The following KCNH5 variants were observed in gnomAD, a reference collection of about 807,000 sequenced individuals.
The protein encoded by KCNH5 is potassium voltage-gated channel subfamily H member 5, also known as voltage-gated delayed rectifier potassium channel KCNH5.
In KCNH5, 46 loss-of-function variants were observed where a neutral mutation model predicts 96.1. That is an observed-to-expected ratio of 0.48 (90% CI 0.38 to 0.61). KCNH5 has a LOEUF of 0.61. KCNH5 is among the 20% of genes least tolerant of loss of function. The pLI is 0.00. For missense variants in KCNH5, 907 were observed against 1,225.8 expected, an observed-to-expected ratio of 0.74 and a Z score of 3.88; for synonymous variants, 439 against 449.8, an observed-to-expected ratio of 0.98 and a Z score of 0.30.
intron 8 of KCNH5, among the ~76,000 whole-genome samples, chr14:62,823,911 T>C (rs996236973): frequency 1.3e-5 from 2 of 152,008 alleles, no homozygotes; most frequent in African/African-American, 4.8e-5. Flanking sequence ...TTAAAAACAA[T>C]AGAAGCTGGC....
chr14:62,985,818 T>C (rs1341584206), intron 5 of KCNH5, among the ~76,000 whole-genome samples: 1 of 152,150 alleles, frequency 6.6e-6, no homozygotes, highest in African/African-American at 2.4e-5. Context: ...TGTTCAGGCA[T>C]CTCCACTAGG....
rs946121830 is a variant in KCNH5 at position 62,705,467 on chromosome 14, C to G, written c.*2041G>C. 6.6e-6 allele frequency: 1 copy of G among 151,970 alleles called. No individual in the cohort carries two copies. Among genetic ancestry groups the G allele is most frequent in the Non-Finnish European group, 1.5e-5 (1 of 67,886 alleles). The allele number at this position is 151,970 out of a possible 1,614,324, so 9.4% of individuals were successfully genotyped here. ...CCTCACCATGAAAGCAACAAAATTC[C>G]AATTTCAAGGCTGATTCTTTACTCC... On this transcript the variant is annotated 3_prime_UTR_variant, in exon 11 of 11. Transcript: ENST00000322893.
intron 8 of KCNH5, among the ~76,000 whole-genome samples, chr14:62,843,069 G>C (rs1468776648): frequency 6.6e-6 from 1 of 152,052 alleles, no homozygotes; most frequent in Non-Finnish European, 1.5e-5. Context: ...TTTTAAAAAT[G>C]CCAAATACTT....
chr14:63,037,933 T>C (rs1042637718), intron 1 of KCNH5, among the ~76,000 whole-genome samples: 1 of 152,202 alleles, frequency 6.6e-6, no homozygotes, highest in Non-Finnish European at 1.5e-5. Flanking sequence ...CAGTTCTTTC[T>C]GGTATTAAAT....
chr14:62,995,446 T>G (rs1890889458), intron 4 of KCNH5, among the ~76,000 whole-genome samples: 1 of 152,148 alleles, frequency 6.6e-6, no homozygotes, highest in South Asian at 2.1e-4. Flanking sequence ...CCCAGATCTT[T>G]GAAGTCCCTG....
intron 4 of KCNH5, among the ~76,000 whole-genome samples, chr14:62,998,810 A>G (rs1345760613): frequency 6.6e-6 from 1 of 152,156 alleles, no homozygotes; most frequent in Non-Finnish European, 1.5e-5. Context: ...CTGATAACAT[A>G]CTTTTTAAGA....
chr14:62,793,783 T>C (rs1404800536), intron 9 of KCNH5, among the ~76,000 whole-genome samples: 2 of 151,844 alleles, frequency 1.3e-5, no homozygotes, highest in Admixed American at 1.3e-4. Context: ...TCAAGAAGTC[T>C]TTAATTTTGT....
At chr14:62,717,914 A>G (rs1884719234) in intron 10 of KCNH5, among the ~76,000 whole-genome samples, 1 of 152,242 alleles carries the variant, frequency 6.6e-6, no homozygotes, top group Non-Finnish European at 1.5e-5. Context: ...TAAAGGTGGT[A>G]TACACCACGG....
Position 62,719,062 on chromosome 14 carries a change from T to G in KCNH5, c.2020-10607A>C, listed in dbSNP as rs542821029. Among the ~76,000 whole-genome samples the G allele has an allele frequency of 7.2e-5, 11 of 152,316 alleles. No homozygotes were observed. The South Asian group carries it at 2.1e-3, about 29-fold the overall frequency. On this transcript the variant is annotated intron_variant, in intron 10 of 10. Transcript: ENST00000322893. The stretch of plus-strand genomic sequence containing the variant: ...CTAGGCATAAGGGAAAGTGAGAAAG[T>G]GGAATGACCACAAATGTTTGTGGGT...
At chr14:62,719,682 A>G (rs1884764130) in intron 10 of KCNH5, among the ~76,000 whole-genome samples, 1 of 152,356 alleles carries the variant, frequency 6.6e-6, no homozygotes, top group Non-Finnish European at 1.5e-5. Flanking sequence ...TCAGCAGCAT[A>G]TGAACGGTTG....
At chr14:62,779,652 C>T (rs1386915954) in intron 10 of KCNH5, 76 bp downstream of exon 10, 2 of 1,214,202 alleles carry the variant, frequency 1.6e-6, no homozygotes, top group Non-Finnish European at 2.3e-6. Flanking sequence ...AATATCTTCT[C>T]TACTCTTCAG....
chr14:62,806,771 T>C (rs1886775307), intron 8 of KCNH5, among the ~76,000 whole-genome samples: 1 of 152,042 alleles, frequency 6.6e-6, no homozygotes, highest in Non-Finnish European at 1.5e-5. Context: ...TTCTAAGATT[T>C]AGGGGGTTAG....
intron 6 of KCNH5, among the ~76,000 whole-genome samples, chr14:62,954,203 A>C (rs1890057303): frequency 6.6e-6 from 1 of 152,052 alleles, no homozygotes. Flanking sequence ...TTTATGACAA[A>C]TACTCTCTCT....
chr14:62,784,857 T>C (rs1886288550), intron 9 of KCNH5, among the ~76,000 whole-genome samples: 1 of 152,172 alleles, frequency 6.6e-6, no homozygotes, highest in Non-Finnish European at 1.5e-5. Context: ...GTTTTTCGTA[T>C]CATGGGGAAA....
intron 1 of KCNH5, among the ~76,000 whole-genome samples, chr14:63,031,228 T>C (rs890893860): frequency 6.6e-6 from 1 of 152,110 alleles, no homozygotes; most frequent in Non-Finnish European, 1.5e-5. Context: ...TAAGTTTTTG[T>C]TTTATTTTGT....
chr14:62,816,423 C>A (rs1886980168), intron 8 of KCNH5, among the ~76,000 whole-genome samples: 1 of 151,934 alleles, frequency 6.6e-6, no homozygotes, highest in Non-Finnish European at 1.5e-5. Flanking sequence ...TCCTTTCACT[C>A]TCCCACTATG....
In KCNH5 at chr14:62,705,138, C is replaced by T. The variant is rs1884406352; in HGVS notation, c.*2370G>A. The T allele has an allele frequency of 6.6e-6, 1 of 151,926 alleles. No homozygotes were observed. Among genetic ancestry groups the T allele is most frequent in the African/African-American group, 2.4e-5 (1 of 41,420 alleles). The allele number at this position is 151,926 out of a possible 1,614,324, so 9.4% of individuals were successfully genotyped here. A position where few individuals can be genotyped will look rare whatever the true frequency, so the allele number is the denominator to read the frequency against. On this transcript the variant is annotated 3_prime_UTR_variant, in exon 11 of 11. Transcript: ENST00000322893. ...TGTTTCTCACATATATGAACAATAA[C>T]ATTGTAGGTCGATTAGGTGAAACTC...
chr14:62,748,191 G>C (rs750348220), intron 10 of KCNH5, among the ~76,000 whole-genome samples: 1 of 152,120 alleles, frequency 6.6e-6, no homozygotes, highest in Non-Finnish European at 1.5e-5. Flanking sequence ...AGAGTAGGAC[G>C]TTCCTGAAAG....
At chr14:62,768,198 T>A (rs555977088) in intron 10 of KCNH5, among the ~76,000 whole-genome samples, 62 of 145,926 alleles carry the variant, frequency 4.2e-4, no homozygotes, top group Admixed American at 6.3e-4. Context: ...TCGAACCCCT[T>A]AAATTTATAC....
Sources: allele counts gnomAD v4.1 joint callset (sites outside exome capture counted in the v4.1 genomes callset), GRCh38; gene constraint gnomAD v4.1.1; transcripts MANE v1.5; gene names NCBI Gene and HGNC (gene_info 2026-07-23, HGNC 2026-07-21).